TMC3: variants seen among roughly 807,000 people sequenced by gnomAD.
TMC3 encodes the protein transmembrane channel like 3.
Under a neutral mutation model 110.6 loss-of-function variants are expected in TMC3, and 98 were observed. The ratio of observed to expected loss-of-function variants is 0.89; its 90% confidence interval spans 0.75 to 1.05. The LOEUF (loss-of-function observed/expected upper bound fraction) is 1.05. Among genes scored for constraint, TMC3 ranks in the 50% least tolerant of loss-of-function variants. The probability of loss-of-function intolerance (pLI) is 0.00; values close to 1 mark genes in which losing one functional copy is unlikely to be tolerated. For synonymous variants in TMC3, 489 were observed against 513.1 expected (o/e 0.95, Z 0.63); for missense variants, 1,319 against 1,373.2 (o/e 0.96, Z 0.62).
intron 3 of TMC3, among the ~76,000 whole-genome samples, chr15:81,366,420 C>G (rs1420004589): frequency 6.6e-6 from 1 of 152,040 alleles, no homozygotes; most frequent in Admixed American, 6.6e-5. Flanking sequence ...GAGAGAGGAG[C>G]GAGATAAAAA....
intron 2 of TMC3, among the ~76,000 whole-genome samples, chr15:81,369,506 C>A (rs918625838): frequency 6.6e-6 from 1 of 152,074 alleles, no homozygotes; most frequent in South Asian, 2.1e-4. Flanking sequence ...AAAGTAAAAG[C>A]CTATTGAAGT....
At chr15:81,371,187 T>G (rs1894426539) in intron 2 of TMC3, among the ~76,000 whole-genome samples, 1 of 152,188 alleles carries the variant, frequency 6.6e-6, no homozygotes, top group Admixed American at 6.5e-5. Flanking sequence ...AATGCCATCC[T>G]TACTCAAATA....
At chr15:81,365,595 C>T (rs1324491443) in intron 3 of TMC3, among the ~76,000 whole-genome samples, 2 of 148,656 alleles carry the variant, frequency 1.3e-5, no homozygotes, top group African/African-American at 5.0e-5. Flanking sequence ...CCCTTGAACC[C>T]AGGAGGCAGA....
chr15:81,355,415 A>G lies in TMC3; in HGVS notation c.935+310T>C, dbSNP rs564716312. On this transcript the variant is annotated intron_variant, in intron 9 of 21. Transcript: ENST00000359440. ...TGTCTTATGACTAGTTTCTAAATAA[A>G]ACTAGTCTTAACAGCATAAGTTGGT... 5.3e-5 allele frequency among the ~76,000 whole-genome samples: 8 copies of G among 152,196 alleles called. No homozygotes were observed. The South Asian group carries it at 1.7e-3, about 32-fold the overall frequency.
chr15:81,349,631 G>T, intron 10 of TMC3, 64 bp from the exon 11 acceptor site: 1 of 958,402 alleles, frequency 1.0e-6, no homozygotes, highest in Non-Finnish European at 1.4e-6. Flanking sequence ...CTCACCATGT[G>T]CATTTGATCT....
rs188956218 is a variant in TMC3, at chr15:81,332,665, G to T, written c.3057C>A (p.Phe1019Leu). 1.9e-6 allele frequency: 3 copies of T among 1,613,998 alleles called. No individual in the cohort carries two copies. In the African/African-American group the frequency reaches 4.0e-5, roughly 22 times the overall value. ...YVPRKPRSRNFQYPQPPLKPR... is the reference protein window; with the variant it reads ...YVPRKPRSRNLQYPQPPLKPR... The stretch of plus-strand genomic sequence containing the variant: ...GCTTCAGAGGGGGCTGTGGGTATTG[G>T]AAATTCCGGGATCGTGGCTTTCTGG... Residue 1019 changes from phenylalanine to leucine, a missense_variant, in exon 22 of 22, where the codon TTC (phenylalanine) becomes TTA (leucine). By Grantham distance (22) the Phe-to-Leu change is conservative (BLOSUM62 0). Transcript: ENST00000359440.
chr15:81,345,654 G>T (rs946686889), intron 12 of TMC3, among the ~76,000 whole-genome samples: 16 of 152,086 alleles, frequency 1.1e-4, no homozygotes, highest in African/African-American at 3.6e-4. Context: ...GGAATCGCTT[G>T]AGCCCAAGAG....
chr15:81,358,449 C>T lies in TMC3; in HGVS notation c.553G>A (p.Glu185Lys). The T allele has an allele frequency of 6.2e-7, 1 of 1,613,852 alleles. No homozygotes were observed. The highest frequency in any genetic ancestry group is 2.2e-5 in the East Asian group (1 of 44,872). Residue 185 changes from glutamate (E) to lysine (K), a missense_variant, in exon 6 of 22, where the codon GAG becomes AAG. Glu to Lys is a moderately conservative substitution (Grantham distance 56, BLOSUM62 1). Coordinates refer to ENST00000359440, the MANE Select transcript of TMC3 (RefSeq NM_001080532.3). Reference protein sequence around the residue: ...GSTARKTIPKEQVSSAQDLDT... With the variant: ...GSTARKTIPKKQVSSAQDLDT... ...AGGTCTTGGGCAGACGAAACCTGCTCCTTGGGGATGGTCTTCCTGGCTGTG... is the reference window on the plus strand; with the variant it reads ...AGGTCTTGGGCAGACGAAACCTGCTTCTTGGGGATGGTCTTCCTGGCTGTG...
chr15:81,364,183 C>G (rs145394005), intron 3 of TMC3, among the ~76,000 whole-genome samples: 70 of 152,176 alleles, frequency 4.6e-4, no homozygotes, highest in African/African-American at 1.6e-3. Flanking sequence ...ACCACCCCAT[C>G]AGTAGTGCTT....
chr15:81,339,449 G>A lies in TMC3; in HGVS notation c.1900C>T (p.Pro634Ser). The change falls in exon 17 of 22, where the codon CCA becomes TCA. Residue 634 changes from proline (P) to serine (S), a missense_variant. Coordinates refer to ENST00000359440, the MANE Select transcript of TMC3 (RefSeq NM_001080532.3). ...TATCGGACAATAGCAAAAATGGTTGGCAGCATGCACAGAAACAGCATAAAC... is the reference window on the plus strand; with the variant it reads ...TATCGGACAATAGCAAAAATGGTTGACAGCATGCACAGAAACAGCATAAAC... ...LLFMLFLCML[P>S]TIFAIVRYKP... The A allele has an allele frequency of 6.2e-7, 1 of 1,610,892 alleles. No homozygotes were observed.
At position 81,332,656 on chromosome 15, in the gene TMC3, T is replaced by TG. The variant is rs1369059304; in HGVS notation, c.3065dup (p.Gln1023ThrfsTer20). On this transcript the variant is annotated frameshift_variant, in exon 22 of 22. Coordinates refer to ENST00000359440, the MANE Select transcript of TMC3 (RefSeq NM_001080532.3). LOFTEE classifies it low-confidence loss of function (END_TRUNC). ...TCCCTCTGGGCTTCAGAGGGGGCTG[T>TG]GGGTATTGGAAATTCCGGGATCGTG... 2 of 1,613,862 alleles carry TG rather than the reference T, an allele frequency of 1.2e-6. No homozygotes were observed.
chr15:81,368,103 T>G, intron 3 of TMC3, 150 bp downstream of exon 3: 1 of 538,394 alleles, frequency 1.9e-6, no homozygotes, highest in Non-Finnish European at 3.3e-6. Flanking sequence ...CCCGGCTAAT[T>G]TTTGTATTTT....
At chr15:81,361,392 G>A (rs7163568) in intron 4 of TMC3, among the ~76,000 whole-genome samples, 66,646 of 151,950 alleles carry the variant, frequency 0.44, 17,237 homozygotes, top group African/African-American at 0.71. Flanking sequence ...GTGTATTCCT[G>A]TCTGTCCCTG....
chr15:81,353,232 T>G (rs1430315500), intron 9 of TMC3, among the ~76,000 whole-genome samples: 1 of 146,236 alleles, frequency 6.8e-6, no homozygotes, highest in Non-Finnish European at 1.5e-5. Flanking sequence ...ACAATGTGAT[T>G]GTGTTTTAAG....
At chr15:81,348,440 G>A (rs7170663) in intron 11 of TMC3, among the ~76,000 whole-genome samples, 59,179 of 151,912 alleles carry the variant, frequency 0.39, 14,457 homozygotes, top group African/African-American at 0.68. Context: ...ACCATACTCC[G>A]GGGAGAACAG....
At chr15:81,352,295 T>C (rs886587691) in intron 9 of TMC3, among the ~76,000 whole-genome samples, 22 of 152,158 alleles carry the variant, frequency 1.4e-4, no homozygotes, top group African/African-American at 5.1e-4. Flanking sequence ...AATCTGACAT[T>C]GTACAGTCAT....
chr15:81,345,106 G>T (rs528222477), intron 12 of TMC3, 95 bp from the exon 13 acceptor site: 783 of 1,487,946 alleles, frequency 5.3e-4, no homozygotes, highest in Admixed American at 8.8e-4. Context: ...GGACCCCAAG[G>T]GTGTCATTGC....
chr15:81,345,602 C>T (rs1893810280), intron 12 of TMC3, among the ~76,000 whole-genome samples: 1 of 152,080 alleles, frequency 6.6e-6, no homozygotes. Flanking sequence ...GGGCGTGATG[C>T]CTCACACTTG....
Position 81,344,001 on chromosome 15 carries a change from C to T in TMC3, c.1563G>A (p.Ala521=), listed in dbSNP as rs369516794. ...LSIIDMLFTV[A]SILLIDFFRG... The stretch of plus-strand genomic sequence containing the variant: ...GGAAGAAGTCTATGAGCAGAATGCT[C>T]GCCACGGTGAAGAGCATGTCAATGA... The change falls in exon 14 of 22, where the codon GCG becomes GCA. Residue 521 remains alanine (A), a synonymous_variant. Coordinates refer to ENST00000359440, the MANE Select transcript of TMC3 (RefSeq NM_001080532.3). 4.3e-6 allele frequency: 7 copies of T among 1,612,774 alleles called. No individual in the cohort carries two copies. Among genetic ancestry groups the T allele is most frequent in the African/African-American group, 1.3e-5 (1 of 74,926 alleles).
Sources: allele counts gnomAD v4.1 joint callset (sites outside exome capture counted in the v4.1 genomes callset), GRCh38; gene constraint gnomAD v4.1.1; transcripts MANE v1.5; gene names NCBI Gene and HGNC (gene_info 2026-07-23, HGNC 2026-07-21).